TPO: variants seen among roughly 807,000 people sequenced by gnomAD.
The protein encoded by TPO is thyroid microsomal antigen.
TPO carries 78 observed loss-of-function variants against 96.9 expected under a neutral mutation model. The observed-to-expected ratio is 0.81, with a 90% confidence interval of 0.67 to 0.97. The LOEUF (loss-of-function observed/expected upper bound fraction) is 0.97, where lower values mean the gene tolerates loss of function less well. Ranked by LOEUF, TPO falls within the 50% of genes least tolerant of loss-of-function variation. TPO has a pLI of 0.00. For synonymous variants in TPO, 547 were observed against 538.0 expected (o/e 1.02, Z -0.23); for missense variants, 1,252 against 1,274.8 (o/e 0.98, Z 0.27).
intron 14 of TPO, among the ~76,000 whole-genome samples, chr2:1,514,833 C>T (rs1313401963): frequency 1.3e-5 from 2 of 152,224 alleles, no homozygotes; most frequent in Non-Finnish European, 2.9e-5. Flanking sequence ...CTTCCCCCTG[C>T]CCAGGCTCGT....
chr2:1,453,667 A>G (rs769975620), intron 5 of TPO, 27 bp from the exon 6 acceptor site: 3 of 1,613,562 alleles, frequency 1.9e-6, no homozygotes, highest in Middle Eastern at 1.6e-4. Flanking sequence ...CCCCATCTCA[A>G]ACACATCCTT....
chr2:1,379,848 A>T (rs984291942), intron 1 of TPO, among the ~76,000 whole-genome samples: 1 of 152,232 alleles, frequency 6.6e-6, no homozygotes, highest in African/African-American at 2.4e-5. Context: ...AATACCAGGC[A>T]TAACAAAATC....
intron 15 of TPO, among the ~76,000 whole-genome samples, chr2:1,529,169 C>G (rs1677379085): frequency 1.1e-5 from 1 of 90,928 alleles, no homozygotes; most frequent in African/African-American, 5.1e-5. Context: ...AATCCCCCCA[C>G]TGTGTGCAGC....
At chr2:1,483,915 A>T (rs1877855) in intron 8 of TPO, among the ~76,000 whole-genome samples, 1 of 151,988 alleles carries the variant, frequency 6.6e-6, no homozygotes, top group Admixed American at 6.6e-5. Context: ...TAAACAATCC[A>T]CTTGCCTTCC....
intron 15 of TPO, among the ~76,000 whole-genome samples, chr2:1,532,176 C>G (rs1277068291): frequency 1.7e-5 from 2 of 116,966 alleles, no homozygotes; most frequent in Non-Finnish European, 3.5e-5. Context: ...ATGCCCCCCA[C>G]AGTGCGCAAC....
rs537758546 is a variant in TPO at position 1,420,278 on chromosome 2, G to A, written c.95-2767G>A. On this transcript the variant is annotated intron_variant, in intron 2 of 16. Coordinates refer to ENST00000329066, the MANE Select transcript of TPO (RefSeq NM_001206744.2). ...CTAGTAACTGCCGTTTCCAAGCATA[G>A]TAGAGAAGGATAAGCATGTTTCTTT... 2.0e-5 allele frequency among the ~76,000 whole-genome samples: 3 copies of A among 152,320 alleles called. No individual in the cohort carries two copies. In the East Asian group the frequency reaches 5.8e-4, roughly 29 times the overall value.
intron 8 of TPO, 141 bp downstream of exon 8, chr2:1,477,745 G>A: frequency 4.4e-6 from 6 of 1,369,526 alleles, no homozygotes; most frequent in Non-Finnish European, 5.7e-6. Context: ...GCTCCAGGTC[G>A]TGGGGCCCTG....
At chr2:1,420,630 C>T (rs559546422) in intron 2 of TPO, among the ~76,000 whole-genome samples, 1 of 152,088 alleles carries the variant, frequency 6.6e-6, no homozygotes, top group South Asian at 2.1e-4. Flanking sequence ...CTGAGGAAGA[C>T]CTGCACGCAA....
At chr2:1,450,047 C>A (rs1039295008) in intron 5 of TPO, among the ~76,000 whole-genome samples, 1 of 152,208 alleles carries the variant, frequency 6.6e-6, no homozygotes, top group Non-Finnish European at 1.5e-5. Context: ...CCTGGCCCAG[C>A]AGGATGAGGG....
chr2:1,460,591 A>C (rs970286886), intron 7 of TPO, among the ~76,000 whole-genome samples: 7 of 152,236 alleles, frequency 4.6e-5, no homozygotes, highest in African/African-American at 1.7e-4. Flanking sequence ...CCATAAAAAG[A>C]GTATATTTCC....
At chr2:1,535,674 T>C (rs1202812979) in intron 15 of TPO, among the ~76,000 whole-genome samples, 12 of 72,850 alleles carry the variant, frequency 1.6e-4, no homozygotes, top group African/African-American at 2.0e-4. Flanking sequence ...CCCCACTCTG[T>C]GCAACCTCCC....
chr2:1,477,710 C>T (rs1374134005), intron 8 of TPO, 106 bp downstream of exon 8: 3 of 1,382,694 alleles, frequency 2.2e-6, no homozygotes, highest in Non-Finnish European at 2.8e-6. Flanking sequence ...ACTTGCACAG[C>T]CATCATGGGC....
At chr2:1,512,232 G>T (rs1674221991) in intron 14 of TPO, among the ~76,000 whole-genome samples, 1 of 152,134 alleles carries the variant, frequency 6.6e-6, no homozygotes, top group South Asian at 2.1e-4. Context: ...TAGAGACGGG[G>T]TTTCACCATG....
intron 13 of TPO, among the ~76,000 whole-genome samples, chr2:1,497,725 A>G (rs1672497977): frequency 6.6e-6 from 1 of 152,080 alleles, no homozygotes; most frequent in African/African-American, 2.4e-5. Context: ...TAGGAGAGGA[A>G]AGTTGGCATC....
intron 7 of TPO, among the ~76,000 whole-genome samples, chr2:1,472,827 C>CAAAAAAAAAAA (rs34064729): frequency 2.1e-5 from 1 of 48,330 alleles, no homozygotes; most frequent in Non-Finnish European, 3.5e-5. Context: ...TGTTTGGCGG[C>CAAAAAAAAAAA]AAAAAAAAAA....
intron 1 of TPO, among the ~76,000 whole-genome samples, chr2:1,399,009 T>C (rs2148370632): frequency 6.6e-6 from 1 of 152,346 alleles, no homozygotes; most frequent in South Asian, 2.1e-4. Context: ...ACATTCTCCT[T>C]TCCAGGAACC....
chr2:1,473,155 G>A (rs1346511699), intron 7 of TPO, among the ~76,000 whole-genome samples: 1 of 152,170 alleles, frequency 6.6e-6, no homozygotes, highest in Non-Finnish European at 1.5e-5. Flanking sequence ...CTTATGTGTT[G>A]ATGGCTTCTA....
chr2:1,415,155 C>A (rs1662778822), intron 2 of TPO, among the ~76,000 whole-genome samples: 1 of 148,124 alleles, frequency 6.8e-6, no homozygotes, highest in African/African-American at 2.5e-5. Flanking sequence ...AGTCCCAGGG[C>A]CCCTGGAGCA....
intron 2 of TPO, among the ~76,000 whole-genome samples, chr2:1,422,391 G>GTGCAGCCGCCTCTC (rs1573111092): frequency 3.9e-5 from 2 of 51,898 alleles, no homozygotes; most frequent in South Asian, 7.3e-4. Context: ...CAGGCGCCGC[G>GTGCAGCCGCCTCTC]CTGGGCCATG....
Sources: allele counts gnomAD v4.1 joint callset (sites outside exome capture counted in the v4.1 genomes callset), GRCh38; gene constraint gnomAD v4.1.1; transcripts MANE v1.5; gene names NCBI Gene and HGNC (gene_info 2026-07-23, HGNC 2026-07-21).